The following SLC39A8 variants were observed in gnomAD, a reference collection of about 807,000 sequenced individuals.
The protein encoded by SLC39A8 is solute carrier family 39 member 8, also known as metal cation symporter ZIP8.
SLC39A8 carries 15 observed loss-of-function variants against 40.4 expected under a neutral mutation model. The ratio of observed to expected loss-of-function variants is 0.37; its 90% CI spans 0.25 to 0.57. The LOEUF (loss-of-function observed/expected upper bound fraction) is 0.57. SLC39A8 is among the 20% of genes least tolerant of loss of function. SLC39A8 has a pLI of 0.75. For synonymous variants in SLC39A8, 223 were observed against 221.6 expected (o/e 1.01, Z -0.06); for missense variants, 472 against 558.8 (o/e 0.84, Z 1.57).
At chr4:102,341,743 A>G (rs1270266705) in intron 2 of SLC39A8, among the ~76,000 whole-genome samples, 1 of 152,244 alleles carries the variant, frequency 6.6e-6, no homozygotes, top group African/African-American at 2.4e-5. Flanking sequence ...GTCCTTACTT[A>G]AGGATACGAA....
At chr4:102,312,414 C>T (rs1223449249) in intron 3 of SLC39A8, among the ~76,000 whole-genome samples, 1 of 152,046 alleles carries the variant, frequency 6.6e-6, no homozygotes, top group African/African-American at 2.4e-5. Flanking sequence ...CATTTTATGA[C>T]TTTGTAGTGT....
intron 8 of SLC39A8, among the ~76,000 whole-genome samples, chr4:102,263,968 ACTTC>A (rs1228850575): frequency 6.6e-6 from 1 of 152,152 alleles, no homozygotes; most frequent in Non-Finnish European, 1.5e-5. Context: ...CTCTGCAGTT[ACTTC>A]CTTCCCTGAA....
chr4:102,319,562 T>C (rs1734814298), intron 2 of SLC39A8, among the ~76,000 whole-genome samples: 2 of 152,136 alleles, frequency 1.3e-5, no homozygotes. Context: ...TTAGGTCTGT[T>C]TAACCAAAAT....
At chr4:102,264,016 G>A (rs1035546472) in intron 8 of SLC39A8, among the ~76,000 whole-genome samples, 2 of 152,152 alleles carry the variant, frequency 1.3e-5, no homozygotes, top group Non-Finnish European at 2.9e-5. Context: ...CATGAGGGTT[G>A]AAATCAGCTT....
intron 2 of SLC39A8, among the ~76,000 whole-genome samples, chr4:102,333,227 G>A (rs1735540353): frequency 1.3e-5 from 2 of 152,120 alleles, no homozygotes; most frequent in African/African-American, 2.4e-5. Context: ...AAATGTAGAG[G>A]AAAGAGATAT....
chr4:102,299,194 G>A (rs560506596), intron 6 of SLC39A8, among the ~76,000 whole-genome samples: 7 of 151,526 alleles, frequency 4.6e-5, no homozygotes, highest in Non-Finnish European at 7.4e-5. Flanking sequence ...TCTTCCCACC[G>A]CCAGGCAAGA....
At chr4:102,289,510 T>G (rs1020668790) in intron 6 of SLC39A8, among the ~76,000 whole-genome samples, 12 of 152,134 alleles carry the variant, frequency 7.9e-5, no homozygotes, top group African/African-American at 2.9e-4. Context: ...ATAGTAGTGA[T>G]TCCTATAATG....
At chr4:102,272,406 G>A (rs1291588962) in intron 6 of SLC39A8, among the ~76,000 whole-genome samples, 6 of 151,264 alleles carry the variant, frequency 4.0e-5, no homozygotes, top group Non-Finnish European at 7.4e-5. Context: ...AGTGAGCCGA[G>A]CCTGGGTGAC....
intron 6 of SLC39A8, among the ~76,000 whole-genome samples, chr4:102,283,587 A>G (rs190482923): frequency 7.3e-6 from 1 of 136,376 alleles, no homozygotes; most frequent in Admixed American, 7.2e-5. Flanking sequence ...TGTTGAGGAG[A>G]AAAAAAACAC....
intron 6 of SLC39A8, among the ~76,000 whole-genome samples, chr4:102,293,303 G>A (rs1339222972): frequency 6.6e-6 from 1 of 151,948 alleles, no homozygotes; most frequent in Non-Finnish European, 1.5e-5. Context: ...AACCTACTGA[G>A]CTTAGAAGCA....
At position 102,261,748 on chromosome 4, in the gene SLC39A8, T is replaced by C; in HGVS notation, c.*1296A>G. 1 of 982,114 alleles carries C rather than the reference T, an allele frequency of 1.0e-6. No individual in the cohort carries two copies. Among genetic ancestry groups the C allele is most frequent in the Non-Finnish European group, 1.2e-6 (1 of 826,416 alleles). 60.8% of individuals were successfully genotyped at this position (982,114 alleles called of 1,614,324 possible). On this transcript the variant is annotated 3_prime_UTR_variant, in exon 9 of 9. Coordinates refer to ENST00000356736, the MANE Select transcript of SLC39A8 (RefSeq NM_001135146.2). ...AAAGTGAAATACATACTAAAATATA[T>C]ATTAAATATTCACCAAATCTGCATT... is the stretch of plus-strand genomic sequence containing the variant.
chr4:102,324,445 C>T (rs1428302131), intron 2 of SLC39A8, among the ~76,000 whole-genome samples: 26 of 151,232 alleles, frequency 1.7e-4, no homozygotes, highest in East Asian at 1.9e-4. Flanking sequence ...ACTTTTCTCA[C>T]CAGAGTGAGA....
At chr4:102,314,732 G>A (rs936445061) in intron 3 of SLC39A8, among the ~76,000 whole-genome samples, 1 of 152,026 alleles carries the variant, frequency 6.6e-6, no homozygotes, top group Non-Finnish European at 1.5e-5. Context: ...TATCTAAGAT[G>A]ACACTCACCC....
At chr4:102,322,477 T>C (rs1359736010) in intron 2 of SLC39A8, among the ~76,000 whole-genome samples, 1 of 152,214 alleles carries the variant, frequency 6.6e-6, no homozygotes, top group East Asian at 1.9e-4. Context: ...TGCTACATCA[T>C]AACCTATAGG....
At chr4:102,317,272 A>T (rs1045231659) in intron 2 of SLC39A8, among the ~76,000 whole-genome samples, 1 of 152,168 alleles carries the variant, frequency 6.6e-6, no homozygotes, top group Non-Finnish European at 1.5e-5. Context: ...ACATCAAATA[A>T]TCAAATACAC....
chr4:102,256,546 A>C (rs1578548645), intron 11 of SLC39A8, among the ~76,000 whole-genome samples: 2 of 152,282 alleles, frequency 1.3e-5, no homozygotes, highest in African/African-American at 4.8e-5. Context: ...CATCCTAGAT[A>C]TTTTTCTCTG....
chr4:102,344,935 G>A lies in SLC39A8; in HGVS notation c.-253-20C>T. The stretch of plus-strand genomic sequence containing the variant: ...GAGAGCCTGAGATAAAGAGGACAAA[G>A]GGGGACAGAGATAAAGGCCACCAGG... On this transcript the variant is annotated intron_variant, in intron 1 of 8. Coordinates refer to ENST00000356736, the MANE Select transcript of SLC39A8 (RefSeq NM_001135146.2). The A allele has an allele frequency of 1.6e-6, 2 of 1,236,266 alleles. No homozygotes were observed. Among genetic ancestry groups the A allele is most frequent in the Non-Finnish European group, 2.0e-6 (2 of 989,904 alleles). The allele number at this position is 1,236,266 out of a possible 1,614,324, so 76.6% of individuals were successfully genotyped here.
chr4:102,313,601 T>C (rs1734537116), intron 3 of SLC39A8, among the ~76,000 whole-genome samples: 1 of 152,036 alleles, frequency 6.6e-6, no homozygotes, highest in Non-Finnish European at 1.5e-5. Context: ...TTTATTTTTA[T>C]TTTTTTGAGA....
chr4:102,344,579 G>C lies in SLC39A8; in HGVS notation c.84C>G (p.Ala28=). The change falls in exon 2 of 9, where the codon GCC becomes GCG. Residue 28 remains alanine, a synonymous_variant. Coordinates refer to ENST00000356736, the MANE Select transcript of SLC39A8 (RefSeq NM_001135146.2). ...ACACGCTCAGCACATCCTCGCTGAA[G>C]GCTAGCCCTGGCCCCTCCGCCACTC... is the stretch of plus-strand genomic sequence containing the variant. ...LGGVAEGPGL[A]FSEDVLSVFG... is the part of the protein sequence containing the mutation. 6.5e-7 allele frequency: 1 copy of C among 1,549,604 alleles called. No individual in the cohort carries two copies. Among genetic ancestry groups the C allele is most frequent in the Non-Finnish European group, 8.7e-7 (1 of 1,146,908 alleles).
Sources: gnomAD v4.1 joint callset for allele counts (sites outside exome capture counted in the v4.1 genomes callset) on GRCh38, gnomAD v4.1.1 for gene constraint, MANE v1.5 for transcripts, NCBI Gene and HGNC (gene_info 2026-07-23, HGNC 2026-07-21) for gene names.